FRY: variants seen among roughly 807,000 people sequenced by gnomAD.
The protein encoded by FRY is protein furry homolog.
Under a neutral mutation model 348.4 loss-of-function variants are expected in FRY, and 128 were observed. The ratio of observed to expected loss-of-function variants is 0.37; its 90% CI spans 0.32 to 0.43. The LOEUF (loss-of-function observed/expected upper bound fraction) is 0.43. Ranked by LOEUF, FRY falls within the 20% of genes least tolerant of loss-of-function variation. FRY has a pLI of 1.00. For missense variants in FRY, 2,736 were observed against 3,695.2 expected (o/e 0.74, Z 6.73); for synonymous variants, 1,370 against 1,374.7 (o/e 1.00, Z 0.08).
intron 2 of FRY, among the ~76,000 whole-genome samples, chr13:32,090,077 T>G (rs9567134): frequency 3.7e-4 from 56 of 151,698 alleles, no homozygotes; most frequent in African/African-American, 1.1e-3. Flanking sequence ...AGCCGGGCGC[T>G]GTGGCTCATG....
At chr13:32,122,358 G>A (rs959833614) in intron 4 of FRY, among the ~76,000 whole-genome samples, 2 of 151,958 alleles carry the variant, frequency 1.3e-5, no homozygotes. Context: ...CGGGATAATG[G>A]TGTGAACCCG....
rs546628576 is a variant in FRY at position 32,140,115 on chromosome 13, C to G, written c.1179+3143C>G. Among the ~76,000 whole-genome samples the G allele has an allele frequency of 1.1e-3, 169 of 150,872 alleles. 2 individuals carry two copies. The highest frequency in any genetic ancestry group is 4.0e-3 in the African/African-American group (163 of 41,122). ...AAAAACAAAAACAGAAAAGAAACCT[C>G]AAAGGTTAAGAAACACATGAATTAT... On this transcript the variant is annotated intron_variant, in intron 11 of 60. Coordinates refer to ENST00000542859, the MANE Select transcript of FRY (RefSeq NM_023037.3).
chr13:32,291,387 A>ACTTTTT (rs1162341947), intron 59 of FRY, among the ~76,000 whole-genome samples: 21 of 149,642 alleles, frequency 1.4e-4, no homozygotes, highest in African/African-American at 4.6e-4. Flanking sequence ...GATAAACTTT[A>ACTTTTT]CTTTTTCTTT....
chr13:32,147,889 T>C lies in FRY; in HGVS notation c.1334T>C (p.Val445Ala), dbSNP rs1880554120. ...CTTTTCCCCAAAGGGTCCCGCGGTG[T>C]GGTACCAAGGGACATGCCTCTGAAC... ...TTLFPKGSRG[V>A]VPRDMPLNIF... Residue 445 changes from valine (V) to alanine (A), a missense_variant, in exon 13 of 61, where the codon GTG becomes GCG. Physicochemically the swap from Val to Ala is moderately conservative, Grantham distance 64. This residue lies in a region of FRY where 191 missense variants were observed against 370.2 expected (regional missense o/e 0.52). Transcript: ENST00000542859. 1.2e-6 allele frequency: 2 copies of C among 1,611,760 alleles called. No homozygotes were observed. Among genetic ancestry groups the C allele is most frequent in the African/African-American group, 2.7e-5 (2 of 74,996 alleles).
intron 58 of FRY, among the ~76,000 whole-genome samples, chr13:32,280,205 C>T (rs1888741491): frequency 6.6e-6 from 1 of 152,136 alleles, no homozygotes; most frequent in Admixed American, 6.5e-5. Context: ...GACACAAAGT[C>T]TGTCAACATA....
At chr13:32,257,944 T>A (rs1338850879) in intron 51 of FRY, 2 of 1,602,960 alleles carry the variant, frequency 1.2e-6, no homozygotes, top group East Asian at 4.5e-5. Context: ...GTTTTTCTGC[T>A]CATTCAATCT....
Position 32,145,533 on chromosome 13 carries a change from T to TG in FRY, c.1180-1749_1180-1748insG, listed in dbSNP as rs1566095544. ...CCCCTCTCTGACTGATTTGTTTTTT[T>TG]TTTTTTTTTTTTTTTTTTTTTTGAG... is the stretch of plus-strand genomic sequence containing the variant. On this transcript the variant is annotated intron_variant, in intron 11 of 60. Transcript: ENST00000542859. 1.1e-4 allele frequency among the ~76,000 whole-genome samples: 9 copies of TG among 81,710 alleles called. 1 individual carries two copies. The highest frequency in any genetic ancestry group is 3.5e-4 in the African/African-American group (9 of 26,058). 53.6% of individuals were successfully genotyped at this position (81,710 alleles called of 152,430 possible). A position where few individuals can be genotyped will look rare whatever the true frequency, so the allele number is the denominator to read the frequency against.
intron 2 of FRY, among the ~76,000 whole-genome samples, chr13:32,096,440 G>GT (rs1225617505): frequency 4.6e-5 from 7 of 151,732 alleles, no homozygotes; most frequent in African/African-American, 1.7e-4. Context: ...AAAACTGCGG[G>GT]GGGGGGCTTC....
intron 59 of FRY, chr13:32,291,966 GT>G (rs1283191700): frequency 6.7e-6 from 3 of 450,934 alleles, no homozygotes; most frequent in East Asian, 1.4e-4. Flanking sequence ...AACAAATAAA[GT>G]TTTTTTGTTG....
intron 31 of FRY, among the ~76,000 whole-genome samples, chr13:32,204,323 G>A (rs1007015419): frequency 3.7e-5 from 2 of 53,908 alleles, no homozygotes; most frequent in African/African-American, 7.4e-5. Context: ...TTTTACAGAT[G>A]AGATGAGAAA....
At chr13:32,120,872 A>G (rs1593635529) in intron 4 of FRY, among the ~76,000 whole-genome samples, 1 of 152,156 alleles carries the variant, frequency 6.6e-6, no homozygotes, top group Non-Finnish European at 1.5e-5. Context: ...ATGTTGGCCA[A>G]GCTGGTCTTG....
At chr13:32,157,811 C>T (rs689338) in intron 16 of FRY, among the ~76,000 whole-genome samples, 58,083 of 152,126 alleles carry the variant, frequency 0.38, 11,220 homozygotes, top group Middle Eastern at 0.44. Flanking sequence ...GACTGCATCA[C>T]AGAAAGCATT....
chr13:32,061,716 A>T (rs1380814079), intron 1 of FRY, among the ~76,000 whole-genome samples: 1 of 152,204 alleles, frequency 6.6e-6, no homozygotes, highest in East Asian at 1.9e-4. Flanking sequence ...ATAAATTTAA[A>T]AACAGGACAC....
intron 36 of FRY, among the ~76,000 whole-genome samples, chr13:32,220,723 C>T (rs1455434256): frequency 1.3e-5 from 2 of 152,160 alleles, no homozygotes; most frequent in African/African-American, 4.8e-5. Flanking sequence ...ATCACTGAAA[C>T]AAAGAATAAC....
intron 28 of FRY, among the ~76,000 whole-genome samples, chr13:32,188,695 C>A (rs772804240): frequency 3.3e-5 from 5 of 152,072 alleles, no homozygotes; most frequent in Non-Finnish European, 7.4e-5. Flanking sequence ...TTGACTGGAC[C>A]ACTTCCATCT....
chr13:32,208,938 G>A lies in FRY; in HGVS notation c.4104G>A (p.Glu1368=). The change falls in exon 32 of 61, where the codon GAG becomes GAA. Residue 1368 remains glutamate, a synonymous_variant. Transcript: ENST00000542859. ...TYLLPWLHNI[E]LVDSRLLLPG... is the part of the protein sequence containing the mutation. ...TGCTGCCCTGGCTGCACAACATCGA[G>A]CTGGTGGACAGCAGGCTCCTCCTCC... 4.3e-6 allele frequency: 7 copies of A among 1,614,184 alleles called. No individual in the cohort carries two copies. Among genetic ancestry groups the A allele is most frequent in the Non-Finnish European group, 5.9e-6 (7 of 1,180,032 alleles).
Position 32,295,562 on chromosome 13 carries a change from G to A in FRY, c.*102G>A. The stretch of plus-strand genomic sequence containing the variant: ...GGCCTTCAAAAGGCTTGGACAGACT[G>A]TTCTCCCTCTTGTTACCTGTAGGGC... On this transcript the variant is annotated 3_prime_UTR_variant, in exon 61 of 61. Transcript: ENST00000542859. 8.9e-7 allele frequency: 1 copy of A among 1,121,336 alleles called. No individual in the cohort carries two copies. Among genetic ancestry groups the A allele is most frequent in the South Asian group, 1.2e-5 (1 of 80,172 alleles). The allele number at this position is 1,121,336 out of a possible 1,614,324, so 69.5% of individuals were successfully genotyped here.
At chr13:32,065,496 C>A (rs111594977) in intron 1 of FRY, among the ~76,000 whole-genome samples, 6 of 151,908 alleles carry the variant, frequency 3.9e-5, no homozygotes, top group Non-Finnish European at 8.8e-5. Flanking sequence ...AGTAGAGATG[C>A]GGTTTCACCG....
intron 54 of FRY, among the ~76,000 whole-genome samples, chr13:32,266,911 G>A (rs1887952401): frequency 1.3e-5 from 2 of 152,108 alleles, no homozygotes; most frequent in African/African-American, 4.8e-5. Flanking sequence ...TTGAACCCAC[G>A]AGGCAGAGGT....
Sources: gnomAD v4.1 joint callset for allele counts (sites outside exome capture counted in the v4.1 genomes callset) on GRCh38, gnomAD v4.1.1 for gene constraint, gnomAD v4.1.1 regional missense constraint, MANE v1.5 for transcripts, NCBI Gene and HGNC (gene_info 2026-07-23, HGNC 2026-07-21) for gene names.